Variants in GPC6 observed in about 807,000 individuals in gnomAD.
The protein encoded by GPC6 is glypican 6.
A neutral mutation model predicts 55.2 loss-of-function variants in GPC6; 14 were observed. The observed-to-expected ratio is 0.25, with a 90% CI of 0.17 to 0.40. The LOEUF (loss-of-function observed/expected upper bound fraction) is 0.40, where lower values mean the gene tolerates loss of function less well. Ranked by LOEUF, GPC6 falls within the 10% of genes least tolerant of loss-of-function variation. The pLI, the probability that GPC6 is intolerant of heterozygous loss-of-function variation, is 1.00. For synonymous variants in GPC6, 278 were observed against 259.6 expected (o/e 1.07, Z -0.68); for missense variants, 641 against 708.5 (o/e 0.90, Z 1.08).
chr13:93,229,166 TTAAG>T (rs1261737871), intron 1 of GPC6, among the ~76,000 whole-genome samples: 1 of 152,218 alleles, frequency 6.6e-6, no homozygotes, highest in African/African-American at 2.4e-5. Flanking sequence ...CCACAGCTCC[TTAAG>T]TTTCTTAACT....
chr13:93,337,286 A>G (rs1462281797), intron 1 of GPC6, among the ~76,000 whole-genome samples: 5 of 152,222 alleles, frequency 3.3e-5, no homozygotes, highest in African/African-American at 9.6e-5. Flanking sequence ...TGATAACTCT[A>G]TGAAGGTTTA....
At chr13:93,647,567 C>T (rs980328464) in intron 2 of GPC6, among the ~76,000 whole-genome samples, 3 of 152,146 alleles carry the variant, frequency 2.0e-5, no homozygotes, top group African/African-American at 7.2e-5. Context: ...CCAGACATGA[C>T]TTAGGACGTG....
At chr13:94,358,477 G>T (rs991598325) in intron 6 of GPC6, among the ~76,000 whole-genome samples, 3 of 152,064 alleles carry the variant, frequency 2.0e-5, no homozygotes, top group African/African-American at 7.2e-5. Context: ...GATATAAAAA[G>T]CTAGACTAAA....
At chr13:94,211,373 C>A (rs550822481) in intron 4 of GPC6, among the ~76,000 whole-genome samples, 6 of 152,096 alleles carry the variant, frequency 3.9e-5, no homozygotes, top group Non-Finnish European at 8.8e-5. Flanking sequence ...AACTTTTCAA[C>A]TTTGACTCCA....
chr13:93,447,110 T>G (rs532075134), intron 1 of GPC6, among the ~76,000 whole-genome samples: 2 of 152,216 alleles, frequency 1.3e-5, no homozygotes, highest in Admixed American at 1.3e-4. Flanking sequence ...GGCTGCAGAC[T>G]GCTTTGCTAT....
intron 1 of GPC6, among the ~76,000 whole-genome samples, chr13:93,478,697 A>G (rs1383344857): frequency 6.6e-6 from 1 of 152,188 alleles, no homozygotes; most frequent in Non-Finnish European, 1.5e-5. Flanking sequence ...TGTGAGGGAC[A>G]TGTTACTAGT....
intron 1 of GPC6, among the ~76,000 whole-genome samples, chr13:93,356,265 T>C (rs947009906): frequency 6.6e-6 from 1 of 152,198 alleles, no homozygotes; most frequent in East Asian, 1.9e-4. Flanking sequence ...TCTCAGACTT[T>C]AAGCAATACA....
chr13:94,205,630 A>G (rs865923171), intron 4 of GPC6, among the ~76,000 whole-genome samples: 2 of 152,280 alleles, frequency 1.3e-5, no homozygotes, highest in South Asian at 2.1e-4. Flanking sequence ...ACAAATTTCA[A>G]TCTATTCCAC....
At chr13:93,987,029 T>C (rs1197818194) in intron 3 of GPC6, among the ~76,000 whole-genome samples, 7 of 152,170 alleles carry the variant, frequency 4.6e-5, no homozygotes, top group Non-Finnish European at 7.4e-5. Context: ...GAATGCATGA[T>C]GACATTTTTA....
intron 2 of GPC6, among the ~76,000 whole-genome samples, chr13:93,668,004 T>C (rs1287787042): frequency 6.6e-6 from 1 of 152,192 alleles, no homozygotes; most frequent in East Asian, 1.9e-4. Context: ...TGAGTTTAGA[T>C]TTGAAATGTA....
intron 2 of GPC6, among the ~76,000 whole-genome samples, chr13:93,546,244 A>G (rs754753486): frequency 3.3e-5 from 5 of 152,234 alleles, no homozygotes; most frequent in Non-Finnish European, 7.3e-5. Flanking sequence ...TGGTCCTACA[A>G]CATTACCCTA....
In GPC6 at chr13:94,098,811, G is replaced by A. The variant is rs139981744; in HGVS notation, c.877+70917G>A. On this transcript the variant is annotated intron_variant, in intron 4 of 8. Coordinates refer to ENST00000377047, the MANE Select transcript of GPC6 (RefSeq NM_005708.5). ...TAAATGAGAAAGCAAAATATTTGACGGGACAATAAGAGTATTATATATATA... is the reference window on the plus strand; with the variant it reads ...TAAATGAGAAAGCAAAATATTTGACAGGACAATAAGAGTATTATATATATA... 5.2e-3 allele frequency among the ~76,000 whole-genome samples: 792 copies of A among 152,112 alleles called. 5 individuals carry two copies. Among genetic ancestry groups the A allele is most frequent in the Non-Finnish European group, 8.2e-3 (555 of 67,978 alleles).
intron 3 of GPC6, among the ~76,000 whole-genome samples, chr13:93,866,639 G>T (rs1039857167): frequency 6.6e-6 from 1 of 151,754 alleles, no homozygotes; most frequent in Non-Finnish European, 1.5e-5. Flanking sequence ...AATAGTGCAT[G>T]TTCTCACTTA....
intron 1 of GPC6, among the ~76,000 whole-genome samples, chr13:93,489,036 G>A (rs925459194): frequency 2.6e-5 from 4 of 151,430 alleles, no homozygotes; most frequent in Non-Finnish European, 4.4e-5. Context: ...TAGTCATGAA[G>A]TCCTTGCCCA....
At chr13:93,459,430 C>G (rs1878597488) in intron 1 of GPC6, among the ~76,000 whole-genome samples, 1 of 152,074 alleles carries the variant, frequency 6.6e-6, no homozygotes, top group Non-Finnish European at 1.5e-5. Flanking sequence ...AAGACAAAAG[C>G]ATTTTTTCTG....
chr13:94,328,485 A>G (rs1395170402), intron 6 of GPC6, among the ~76,000 whole-genome samples: 1 of 152,194 alleles, frequency 6.6e-6, no homozygotes, highest in Non-Finnish European at 1.5e-5. Context: ...ATGCTGGAAC[A>G]AAGCTTTGCT....
intron 4 of GPC6, among the ~76,000 whole-genome samples, chr13:94,163,784 A>C (rs1888253001): frequency 6.6e-6 from 1 of 152,212 alleles, no homozygotes; most frequent in African/African-American, 2.4e-5. Context: ...AAGGCATTGC[A>C]TAATCTTAAT....
chr13:94,334,195 C>T (rs1372315332), intron 6 of GPC6, among the ~76,000 whole-genome samples: 1 of 152,216 alleles, frequency 6.6e-6, no homozygotes, highest in African/African-American at 2.4e-5. Flanking sequence ...AGCCATTCAA[C>T]TCTGACATTT....
intron 2 of GPC6, among the ~76,000 whole-genome samples, chr13:93,807,468 A>G (rs1886575581): frequency 6.6e-6 from 1 of 152,234 alleles, no homozygotes; most frequent in South Asian, 2.1e-4. Flanking sequence ...AGGCTGGCCA[A>G]ATGAAATTGT....
Sources: allele counts gnomAD v4.1 joint callset (sites outside exome capture counted in the v4.1 genomes callset), GRCh38; gene constraint gnomAD v4.1.1; transcripts MANE v1.5; gene names NCBI Gene and HGNC (gene_info 2026-07-23, HGNC 2026-07-21).